The following AUTS2 variants were observed in gnomAD, a reference collection of about 807,000 sequenced individuals.
The protein encoded by AUTS2 is activator of transcription and developmental regulator AUTS2, also known as autism susceptibility gene 2 protein.
Under a neutral mutation model 112.4 loss-of-function variants are expected in AUTS2, and 17 were observed. The observed-to-expected ratio is 0.15, with a 90% CI of 0.10 to 0.23. The LOEUF (loss-of-function observed/expected upper bound fraction) is 0.23. Ranked by LOEUF, AUTS2 falls within the 10% of genes least tolerant of loss-of-function variation. The pLI is 1.00. For missense variants in AUTS2, 1,510 were observed against 1,701.6 expected, an observed-to-expected ratio of 0.89 and a Z score of 1.98; for synonymous variants, 751 against 702.7, an observed-to-expected ratio of 1.07 and a Z score of -1.09.
intron 4 of AUTS2, among the ~76,000 whole-genome samples, chr7:70,165,581 A>G (rs1390435507): frequency 6.6e-6 from 1 of 152,158 alleles, no homozygotes; most frequent in East Asian, 1.9e-4. Context: ...CGGAAAGTAA[A>G]TTAAGTCTTC....
intron 2 of AUTS2, among the ~76,000 whole-genome samples, chr7:69,981,469 A>C (rs1338144768): frequency 1.3e-5 from 2 of 152,192 alleles, no homozygotes; most frequent in Non-Finnish European, 2.9e-5. Context: ...TCAATATTTC[A>C]AATTAATTAA....
intron 2 of AUTS2, among the ~76,000 whole-genome samples, chr7:70,007,982 G>A (rs1799621927): frequency 6.6e-6 from 1 of 151,810 alleles, no homozygotes; most frequent in African/African-American, 2.4e-5. Context: ...AGATTGATTG[G>A]GCATTTTCCA....
In AUTS2 at chr7:70,478,491, A is replaced by G. The variant is rs555590036; in HGVS notation, c.690+42710A>G. On this transcript the variant is annotated intron_variant, in intron 5 of 18. Coordinates refer to ENST00000342771, the MANE Select transcript of AUTS2 (RefSeq NM_015570.4). ...CTAAGGGACTCCCTGCCTTGCCTGCAGGAGGCTCTTCAAAAAACTACCACC... is the reference window on the plus strand; with the variant it reads ...CTAAGGGACTCCCTGCCTTGCCTGCGGGAGGCTCTTCAAAAAACTACCACC... Among the ~76,000 whole-genome samples, 65 of 152,294 alleles carry G rather than the reference A, an allele frequency of 4.3e-4. No homozygotes were observed. In the Middle Eastern group the frequency reaches 0.01, roughly 24 times the overall value.
intron 5 of AUTS2, among the ~76,000 whole-genome samples, chr7:70,494,755 A>G (rs375605774): frequency 2.9e-4 from 44 of 152,298 alleles, no homozygotes; most frequent in East Asian, 2.5e-3. Flanking sequence ...AGTTTTGAAA[A>G]TCAAACAAAG....
At chr7:70,193,819 A>G (rs1482974752) in intron 4 of AUTS2, among the ~76,000 whole-genome samples, 1 of 152,156 alleles carries the variant, frequency 6.6e-6, no homozygotes, top group Non-Finnish European at 1.5e-5. Flanking sequence ...CGTGTAACCT[A>G]CTGTCAGTGT....
At chr7:70,389,972 A>G (rs963757427) in intron 4 of AUTS2, among the ~76,000 whole-genome samples, 1 of 152,186 alleles carries the variant, frequency 6.6e-6, no homozygotes, top group African/African-American at 2.4e-5. Flanking sequence ...AGACATGCAT[A>G]TTTTAGATGG....
At chr7:70,321,512 A>C (rs958825041) in intron 4 of AUTS2, among the ~76,000 whole-genome samples, 1 of 152,194 alleles carries the variant, frequency 6.6e-6, no homozygotes, top group East Asian at 1.9e-4. Context: ...CGATTTCATT[A>C]TTGTAAAAAA....
At chr7:70,023,821 G>A (rs370905350) in intron 2 of AUTS2, among the ~76,000 whole-genome samples, 9 of 152,258 alleles carry the variant, frequency 5.9e-5, no homozygotes, top group African/African-American at 1.4e-4. Context: ...TACAGTTTCT[G>A]TGCAATTAAA....
At chr7:70,156,006 G>A (rs1807729572) in intron 4 of AUTS2, among the ~76,000 whole-genome samples, 1 of 152,012 alleles carries the variant, frequency 6.6e-6, no homozygotes, top group Non-Finnish European at 1.5e-5. Flanking sequence ...TTCTCCTGTT[G>A]GTTTTGTCTG....
At chr7:70,448,389 T>A (rs1160898869) in intron 5 of AUTS2, among the ~76,000 whole-genome samples, 3 of 152,210 alleles carry the variant, frequency 2.0e-5, no homozygotes, top group African/African-American at 7.2e-5. Flanking sequence ...TAAGCATGGC[T>A]TTTCTCACTG....
At chr7:70,528,854 G>A (rs947488671) in intron 5 of AUTS2, among the ~76,000 whole-genome samples, 3 of 151,758 alleles carry the variant, frequency 2.0e-5, no homozygotes, top group Non-Finnish European at 4.4e-5. Context: ...GGAACAGTGA[G>A]CCCCAGGGCA....
intron 5 of AUTS2, among the ~76,000 whole-genome samples, chr7:70,509,537 A>G (rs1799099627): frequency 2.0e-5 from 3 of 152,172 alleles, no homozygotes. Flanking sequence ...AGGATTCTTT[A>G]GTTTACAGAT....
chr7:70,351,009 C>T (rs1330800422), intron 4 of AUTS2, among the ~76,000 whole-genome samples: 8 of 149,524 alleles, frequency 5.4e-5, no homozygotes, highest in Admixed American at 4.0e-4. Context: ...CACTTATCAT[C>T]GTGTTCTCCA....
At chr7:69,751,510 A>G (rs2129268514) in intron 1 of AUTS2, among the ~76,000 whole-genome samples, 1 of 152,246 alleles carries the variant, frequency 6.6e-6, no homozygotes, top group Admixed American at 6.5e-5. Context: ...ACTATTCCAT[A>G]TGATGGAAAG....
At chr7:70,469,162 A>T (rs543959728) in intron 5 of AUTS2, among the ~76,000 whole-genome samples, 55 of 152,348 alleles carry the variant, frequency 3.6e-4, no homozygotes, top group Admixed American at 3.3e-3. Context: ...TCATATATCC[A>T]TCACGGAGCA....
intron 13 of AUTS2, 81 bp downstream of exon 13, chr7:70,775,467 A>G (rs1790625047): frequency 9.0e-7 from 1 of 1,111,404 alleles, no homozygotes. Flanking sequence ...ATTACAAGGA[A>G]ATAAGCCATA....
At chr7:69,757,280 G>T (rs184516986) in intron 1 of AUTS2, among the ~76,000 whole-genome samples, 6 of 152,328 alleles carry the variant, frequency 3.9e-5, no homozygotes, top group Admixed American at 2.0e-4. Context: ...GAAGAAGTTA[G>T]ATTTCCCTGT....
intron 5 of AUTS2, among the ~76,000 whole-genome samples, chr7:70,657,144 C>T (rs1029593775): frequency 6.6e-6 from 1 of 152,250 alleles, no homozygotes; most frequent in Admixed American, 6.5e-5. Flanking sequence ...TAGGACAAAG[C>T]CCAAGGATGA....
chr7:70,262,433 A>AC (rs1230724812), intron 4 of AUTS2, among the ~76,000 whole-genome samples: 2 of 151,446 alleles, frequency 1.3e-5, no homozygotes, highest in Non-Finnish European at 2.9e-5. Flanking sequence ...CAAGTGATCC[A>AC]CCCCCCTCCG....
Sources: gnomAD v4.1 joint callset for allele counts (sites outside exome capture counted in the v4.1 genomes callset) on GRCh38, gnomAD v4.1.1 for gene constraint, MANE v1.5 for transcripts, NCBI Gene and HGNC (gene_info 2026-07-23, HGNC 2026-07-21) for gene names.